GAS7: variants seen among roughly 807,000 people sequenced by gnomAD.
GAS7 encodes the protein growth arrest specific 7, also known as growth arrest-specific protein 7.
Under a neutral mutation model 71.1 loss-of-function variants are expected in GAS7, and 28 were observed. The observed-to-expected ratio is 0.39, with a 90% CI of 0.29 to 0.54. The LOEUF is 0.54. GAS7 is among the 20% of genes least tolerant of loss of function. The pLI is 0.62. For synonymous variants in GAS7, 258 were observed against 245.8 expected, an observed-to-expected ratio of 1.05 and a Z score of -0.46; for missense variants, 436 against 627.8, an observed-to-expected ratio of 0.69 and a Z score of 3.27.
Position 9,959,083 on chromosome 17 carries a change from T to G in GAS7, c.525+119A>C. Reference sequence around the variant, plus strand: ...TTGAGTGAAATCCGAGCTTTGGAACTTCCCCGTTTCCAGGTTGGGCATCAC... The same window carrying G: ...TTGAGTGAAATCCGAGCTTTGGAACGTCCCCGTTTCCAGGTTGGGCATCAC... On this transcript the variant is annotated intron_variant, in intron 5 of 13. Coordinates refer to ENST00000432992, the MANE Select transcript of GAS7 (RefSeq NM_201433.2). This position sits in a 1 kb window ranked among gnomAD's most constrained non-coding sequence, Gnocchi z 5.0. 7.4e-7 allele frequency: 1 copy of G among 1,356,834 alleles called. No individual in the cohort carries two copies. The highest frequency in any genetic ancestry group is 1.5e-5 in the South Asian group (1 of 67,690). The allele number at this position is 1,356,834 out of a possible 1,614,324, so 84.0% of individuals were successfully genotyped here. A position where few individuals can be genotyped will look rare whatever the true frequency, so the allele number is the denominator to read the frequency against.
intron 2 of GAS7, among the ~76,000 whole-genome samples, chr17:10,015,116 C>T (rs2071939943): frequency 6.6e-6 from 1 of 151,664 alleles, no homozygotes; most frequent in South Asian, 2.1e-4. Flanking sequence ...GATCGCACCA[C>T]TGCACTCCAG....
At chr17:10,002,174 C>T (rs774541708) in intron 2 of GAS7, among the ~76,000 whole-genome samples, 16 of 152,308 alleles carry the variant, frequency 1.1e-4, no homozygotes, top group Admixed American at 7.2e-4. Context: ...GTTCTGGAAG[C>T]CAGAAATCTG....
At chr17:10,196,354 C>G (rs1351334304) in intron 1 of GAS7, among the ~76,000 whole-genome samples, 1 of 152,188 alleles carries the variant, frequency 6.6e-6, no homozygotes, top group East Asian at 1.9e-4. Context: ...ACAGAGCTGT[C>G]AGGGAACTGG....
intron 4 of GAS7, among the ~76,000 whole-genome samples, chr17:9,960,552 A>G (rs973873542): frequency 6.6e-6 from 1 of 152,222 alleles, no homozygotes; most frequent in Non-Finnish European, 1.5e-5. Flanking sequence ...TAAAGGCCAG[A>G]AAAAGGATGG....
intron 1 of GAS7, among the ~76,000 whole-genome samples, chr17:10,041,393 C>T (rs114318904): frequency 6.6e-6 from 1 of 152,150 alleles, no homozygotes; most frequent in Admixed American, 6.5e-5. Context: ...CGAACAGATA[C>T]AATCACAGAC....
intron 1 of GAS7, among the ~76,000 whole-genome samples, chr17:10,188,431 T>A (rs1426587437): frequency 5.3e-5 from 8 of 152,200 alleles, no homozygotes; most frequent in Non-Finnish European, 8.8e-5. Context: ...ATATATCAGA[T>A]GCTCCCTGAG....
chr17:10,188,834 G>T (rs574703264), intron 1 of GAS7, among the ~76,000 whole-genome samples: 1 of 152,134 alleles, frequency 6.6e-6, no homozygotes, highest in African/African-American at 2.4e-5. Flanking sequence ...GAAAAAATTT[G>T]GGTTTCCCCA....
At chr17:10,137,110 C>T (rs1253617089) in intron 1 of GAS7, among the ~76,000 whole-genome samples, 4 of 110,136 alleles carry the variant, frequency 3.6e-5, no homozygotes, top group African/African-American at 1.3e-4. Flanking sequence ...CGAGACCCAG[C>T]TTAAAAAGAA....
chr17:9,996,809 T>C (rs2071065308), intron 2 of GAS7, among the ~76,000 whole-genome samples: 1 of 151,876 alleles, frequency 6.6e-6, no homozygotes, highest in Non-Finnish European at 1.5e-5. Flanking sequence ...CAGGTTCATT[T>C]TTATATTTTT....
chr17:10,197,540 T>C (rs1002016076), intron 1 of GAS7, among the ~76,000 whole-genome samples: 1 of 152,194 alleles, frequency 6.6e-6, no homozygotes, highest in East Asian at 1.9e-4. Context: ...TGTGCAGCCC[T>C]GGGGCCAGGC....
chr17:9,936,096 G>A (rs975200856), intron 8 of GAS7, among the ~76,000 whole-genome samples: 11 of 152,192 alleles, frequency 7.2e-5, no homozygotes, highest in Non-Finnish European at 1.3e-4. Flanking sequence ...ACATCCACAG[G>A]AGGAAAAGGA....
chr17:10,148,902 T>G (rs1597820529), intron 1 of GAS7, among the ~76,000 whole-genome samples: 1 of 80,120 alleles, frequency 1.2e-5, no homozygotes. Flanking sequence ...AGAGAAAGAC[T>G]CCGCCTCAAA....
At chr17:10,071,063 C>A (rs2073335420) in intron 1 of GAS7, among the ~76,000 whole-genome samples, 1 of 151,940 alleles carries the variant, frequency 6.6e-6, no homozygotes, top group East Asian at 1.9e-4. Flanking sequence ...ACCTGCTCAG[C>A]CCAATCATGA....
intron 1 of GAS7, among the ~76,000 whole-genome samples, chr17:10,044,187 T>G (rs1417994267): frequency 6.6e-6 from 1 of 152,234 alleles, no homozygotes; most frequent in Non-Finnish European, 1.5e-5. Flanking sequence ...ATGGTGTTAT[T>G]CGAGGCTTAT....
chr17:10,197,176 G>A (rs1312826502), intron 1 of GAS7, among the ~76,000 whole-genome samples: 2 of 151,136 alleles, frequency 1.3e-5, no homozygotes, highest in Non-Finnish European at 1.5e-5. Flanking sequence ...TCTTCCCCCC[G>A]CCCCCGATGA....
At chr17:9,945,179 T>C (rs2068744858) in intron 6 of GAS7, among the ~76,000 whole-genome samples, 2 of 152,130 alleles carry the variant, frequency 1.3e-5, no homozygotes, top group South Asian at 4.2e-4. Context: ...CTCCATTTAC[T>C]GCACCCCTCT....
rs1318682598 is a variant in GAS7, at chr17:9,913,648, T to C, written c.*3580A>G. On this transcript the variant is annotated 3_prime_UTR_variant, in exon 14 of 14. Transcript: ENST00000432992. ...AAATTCTCCTTGGCCAACAGGGTGC[T>C]GAGTGGAGGTAGAAAGGAGGCCCAG... 5 of 230,708 alleles carry C rather than the reference T, an allele frequency of 2.2e-5. No individual in the cohort carries two copies. The highest frequency in any genetic ancestry group is 8.9e-5 in the African/African-American group (4 of 45,166). 14.3% of individuals were successfully genotyped at this position (230,708 alleles called of 1,614,324 possible).
intron 1 of GAS7, among the ~76,000 whole-genome samples, chr17:10,137,730 G>A (rs901974036): frequency 8.6e-5 from 13 of 151,922 alleles, no homozygotes; most frequent in African/African-American, 2.7e-4. Context: ...TAGTAGAGAC[G>A]GGGTTTTGCC....
At chr17:10,077,990 C>A (rs2073413241) in intron 1 of GAS7, among the ~76,000 whole-genome samples, 1 of 151,904 alleles carries the variant, frequency 6.6e-6, no homozygotes, top group South Asian at 2.1e-4. Flanking sequence ...AAAAAACAGA[C>A]CTGATAGATT....
Sources: gnomAD v4.1 joint callset for allele counts (sites outside exome capture counted in the v4.1 genomes callset) on GRCh38, gnomAD v4.1.1 for gene constraint, Gnocchi (gnomAD v3.1) non-coding constraint, MANE v1.5 for transcripts, NCBI Gene and HGNC (gene_info 2026-07-23, HGNC 2026-07-21) for gene names.